Variants in TMEM240 observed in about 807,000 individuals in gnomAD.
The protein encoded by TMEM240 is transmembrane protein 240, also known as transmembrane protein C1orf70.
A neutral mutation model predicts 19.5 loss-of-function variants in TMEM240; 3 were observed. The ratio of observed to expected loss-of-function variants is 0.15; its 90% CI spans 0.07 to 0.40. The LOEUF is 0.40. Among genes scored for constraint, TMEM240 ranks in the 10% least tolerant of loss-of-function variants. The pLI is 1.00. For synonymous variants in TMEM240, 123 were observed against 109.3 expected, an observed-to-expected ratio of 1.13 and a Z score of -0.78; for missense variants, 210 against 253.5, an observed-to-expected ratio of 0.83 and a Z score of 1.17.
chr1:1,539,590 C>A, intron 2 of TMEM240, 94 bp downstream of exon 2: 5 of 1,128,618 alleles, frequency 4.4e-6, no homozygotes, highest in Middle Eastern at 2.9e-4. Flanking sequence ...AGGCGGCTCG[C>A]GGCCTGCGTG....
chr1:1,537,461 C>T (rs1642238905), intron 2 of TMEM240, among the ~76,000 whole-genome samples: 1 of 152,116 alleles, frequency 6.6e-6, no homozygotes, highest in African/African-American at 2.4e-5. Context: ...CCCAGGGGCT[C>T]AGTAACTTTG....
In TMEM240 at chr1:1,535,994, G is replaced by A. The variant is rs1360313135; in HGVS notation, c.165-197C>T. Among the ~76,000 whole-genome samples the A allele has an allele frequency of 2.0e-5, 3 of 152,108 alleles. No homozygotes were observed. Among genetic ancestry groups the A allele is most frequent in the Non-Finnish European group, 4.4e-5 (3 of 67,996 alleles). ...AGGTCACAGGCCAGAGGGAGTGGGA[G>A]GTCAGTGGCCATGGGCTGTGGAGGC... On this transcript the variant is annotated intron_variant, in intron 2 of 3. Coordinates refer to ENST00000378733, the MANE Select transcript of TMEM240 (RefSeq NM_001114748.2). This position sits in a 1 kb window ranked among gnomAD's most constrained non-coding sequence, Gnocchi z 8.2.
chr1:1,538,978 G>A (rs1463618421), intron 2 of TMEM240: 1 of 152,450 alleles, frequency 6.6e-6, no homozygotes, highest in Non-Finnish European at 1.5e-5. Context: ...GGTGTCCTGA[G>A]GGGTGGAAGT....
chr1:1,535,831 G>C lies in TMEM240; in HGVS notation c.165-34C>G. 1 of 1,493,086 alleles carries C rather than the reference G, an allele frequency of 6.7e-7. No homozygotes were observed. The highest frequency in any genetic ancestry group is 9.0e-7 in the Non-Finnish European group (1 of 1,108,778). The allele number at this position is 1,493,086 out of a possible 1,614,324, so 92.5% of individuals were successfully genotyped here. A position where few individuals can be genotyped will look rare whatever the true frequency, so the allele number is the denominator to read the frequency against. On this transcript the variant is annotated intron_variant, in intron 2 of 3. Coordinates refer to ENST00000378733, the MANE Select transcript of TMEM240 (RefSeq NM_001114748.2). This position sits in a 1 kb window ranked among gnomAD's most constrained non-coding sequence, Gnocchi z 8.2. ...GGCAGGGCGGGCTGGCACCTCTCCC[G>C]CCACCCCCGGCCTGGCCTTCCCCCG...
At chr1:1,537,546 C>T (rs1248962860) in intron 2 of TMEM240, among the ~76,000 whole-genome samples, 1 of 152,158 alleles carries the variant, frequency 6.6e-6, no homozygotes, top group Non-Finnish European at 1.5e-5. Flanking sequence ...CTGCACCTGG[C>T]CCTCCTTCCT....
At chr1:1,538,101 C>T (rs1382808156) in intron 2 of TMEM240, among the ~76,000 whole-genome samples, 1 of 152,250 alleles carries the variant, frequency 6.6e-6, no homozygotes, top group Non-Finnish European at 1.5e-5. Flanking sequence ...ACACTGGCTG[C>T]AGCTACACGG....
intron 2 of TMEM240, chr1:1,539,410 G>A (rs1323107919): frequency 2.0e-6 from 1 of 498,592 alleles, no homozygotes; most frequent in African/African-American, 2.0e-5. Flanking sequence ...ACATCACACT[G>A]GGCTGCGGCT....
Position 1,535,666 on chromosome 1 carries a change from C to T in TMEM240, c.296G>A (p.Cys99Tyr). The T allele has an allele frequency of 6.5e-7, 1 of 1,550,184 alleles. No homozygotes were observed. The highest frequency in any genetic ancestry group is 2.4e-5 in the East Asian group (1 of 40,896). ...CATCCACACCAGGAACCAGCTGATG[C>T]AAAAGCCCAGCAGCAGCCCCAGCAT... Reference protein sequence around the residue: ...DLMLGLLLGFCISWFLVWMDG... With the variant: ...DLMLGLLLGFYISWFLVWMDG... The change falls in exon 3 of 4, where the codon TGC becomes TAC. Residue 99 changes from cysteine (C) to tyrosine (Y), a missense_variant. By Grantham distance (194) the Cys-to-Tyr change is radical (BLOSUM62 -2). Coordinates refer to ENST00000378733, the MANE Select transcript of TMEM240 (RefSeq NM_001114748.2). The surrounding 1 kb of genome is among the most constrained non-coding windows in gnomAD (Gnocchi z 8.2).
At position 1,536,736 on chromosome 1, in the gene TMEM240, A is replaced by G. The variant is rs1248483104; in HGVS notation, c.165-939T>C. On this transcript the variant is annotated intron_variant, in intron 2 of 3. Transcript: ENST00000378733. The surrounding 1 kb of genome is among the most constrained non-coding windows in gnomAD (Gnocchi z 5.4). ...CCAGACAGTCAACTCTGGGATCCCT[A>G]GTCCAACAGGAGGGCCTGGGAGTGG... Among the ~76,000 whole-genome samples the G allele has an allele frequency of 2.0e-5, 3 of 152,040 alleles. No individual in the cohort carries two copies. The highest frequency in any genetic ancestry group is 4.4e-5 in the Non-Finnish European group (3 of 67,970).
chr1:1,539,534 T>C lies in TMEM240; in HGVS notation c.164+150A>G, dbSNP rs887440496. On this transcript the variant is annotated intron_variant, in intron 2 of 3. Transcript: ENST00000378733. Reference sequence around the variant, plus strand: ...GCCCCCAGGAGACCCCCGCCCACCTTGAGACAGCTCCTCCCCCTGCGCACC... The same window carrying C: ...GCCCCCAGGAGACCCCCGCCCACCTCGAGACAGCTCCTCCCCCTGCGCACC... The C allele has an allele frequency of 1.8e-5, 12 of 680,136 alleles. No individual in the cohort carries two copies. The East Asian group carries it at 3.4e-4, about 19-fold the overall frequency. 42.1% of individuals were successfully genotyped at this position (680,136 alleles called of 1,614,324 possible). A position where few individuals can be genotyped will look rare whatever the true frequency, so the allele number is the denominator to read the frequency against.
Position 1,534,990 on chromosome 1 carries a change from G to A in TMEM240, c.*369C>T, listed in dbSNP as rs535914378. Among the ~76,000 whole-genome samples the A allele has an allele frequency of 6.0e-5, 9 of 149,028 alleles. No individual in the cohort carries two copies. The highest frequency in any genetic ancestry group is 2.1e-4 in the South Asian group (1 of 4,754). On this transcript the variant is annotated 3_prime_UTR_variant, in exon 4 of 4. Transcript: ENST00000378733. ...GTGGACGCAGCGCACGGGAAACAGC[G>A]CCTTCAAACAGATGCTGGCCCGGGC...
Position 1,535,572 on chromosome 1 carries a change from G to C in TMEM240, c.373+17C>G. On this transcript the variant is annotated intron_variant, in intron 3 of 3. Transcript: ENST00000378733. The surrounding 1 kb of genome is among the most constrained non-coding windows in gnomAD (Gnocchi z 8.2). ...CAGGGCGGCAGCACTCCCGGGCGGC[G>C]GGCACGAGGCACTCACCGTAGCGCC... is the stretch of plus-strand genomic sequence containing the variant. 1 of 1,545,638 alleles carries C rather than the reference G, an allele frequency of 6.5e-7. No individual in the cohort carries two copies.
Position 1,536,859 on chromosome 1 carries a change from G to C in TMEM240, c.165-1062C>G, listed in dbSNP as rs1366872925. ...CCTGTGTCTCCACGTGGGATCCGCA[G>C]ACACCTTAAACTTGTGCCTAAAAAT... is the stretch of plus-strand genomic sequence containing the variant. On this transcript the variant is annotated intron_variant, in intron 2 of 3. Coordinates refer to ENST00000378733, the MANE Select transcript of TMEM240 (RefSeq NM_001114748.2). The surrounding 1 kb of genome is among the most constrained non-coding windows in gnomAD (Gnocchi z 5.4). 6.6e-6 allele frequency among the ~76,000 whole-genome samples: 1 copy of C among 152,082 alleles called. No individual in the cohort carries two copies.
rs888310401 is a variant in TMEM240 at position 1,535,026 on chromosome 1, G to A, written c.*333C>T. 4.8e-4 allele frequency: 99 copies of A among 207,752 alleles called. No individual in the cohort carries two copies. The highest frequency in any genetic ancestry group is 7.4e-4 in the Non-Finnish European group (81 of 109,012). 12.9% of individuals were successfully genotyped at this position (207,752 alleles called of 1,614,324 possible). A position where few individuals can be genotyped will look rare whatever the true frequency, so the allele number is the denominator to read the frequency against. On this transcript the variant is annotated 3_prime_UTR_variant, in exon 4 of 4. Coordinates refer to ENST00000378733, the MANE Select transcript of TMEM240 (RefSeq NM_001114748.2). This position sits in a 1 kb window ranked among gnomAD's most constrained non-coding sequence, Gnocchi z 8.2. Reference sequence around the variant, plus strand: ...GATGCTGGCCCGGGCCGCGCGCCTCGCCGCCCCTGCCCCCACCTGCCCCCC... The same window carrying A: ...GATGCTGGCCCGGGCCGCGCGCCTCACCGCCCCTGCCCCCACCTGCCCCCC...
At chr1:1,539,290 C>A (rs760787853) in intron 2 of TMEM240, 27 of 195,040 alleles carry the variant, frequency 1.4e-4, no homozygotes, top group Non-Finnish European at 2.4e-4. Flanking sequence ...AGGCCCTTCC[C>A]GCCTTGACCT....
rs1355000100 is a variant in TMEM240 at position 1,535,041 on chromosome 1, ACCTGCCCCCCAGGACCCTC to A, written c.*299_*317del. 1,767 of 32,554 alleles carry A rather than the reference ACCTGCCCCCCAGGACCCTC, an allele frequency of 0.054. 21 individuals carry two copies. Among genetic ancestry groups the A allele is most frequent in the Middle Eastern group, 0.087 (4 of 46 alleles). The allele number at this position is 32,554 out of a possible 1,614,324, so 2.0% of individuals were successfully genotyped here. ...CGCGCGCCTCGCCGCCCCTGCCCCCACCTGCCCCCCAGGACCCTCCCTGCCCCCCAGGACCCTCCCTGCC... is the reference window on the plus strand; with the variant it reads ...CGCGCGCCTCGCCGCCCCTGCCCCCACCTGCCCCCCAGGACCCTCCCTGCC... On this transcript the variant is annotated 3_prime_UTR_variant, in exon 4 of 4. Coordinates refer to ENST00000378733, the MANE Select transcript of TMEM240 (RefSeq NM_001114748.2). This position sits in a 1 kb window ranked among gnomAD's most constrained non-coding sequence, Gnocchi z 8.2.
intron 1 of TMEM240, 128 bp downstream of exon 1, chr1:1,540,162 G>GCAC: frequency 2.6e-6 from 1 of 391,904 alleles, no homozygotes; most frequent in Non-Finnish European, 4.1e-6. Context: ...AGCGCAGGCC[G>GCAC]GGGAGGGGAG....
At chr1:1,537,063 C>T (rs982554041) in intron 2 of TMEM240, among the ~76,000 whole-genome samples, 4 of 152,098 alleles carry the variant, frequency 2.6e-5, no homozygotes, top group Admixed American at 1.3e-4. Context: ...CAGCCCTCTC[C>T]AGGCCATCCC....
At position 1,536,767 on chromosome 1, in the gene TMEM240, G is replaced by A. The variant is rs911710952; in HGVS notation, c.165-970C>T. ...ACAGGAGGGCCTGGGAGTGGAGCCC[G>A]CGGGCCCCACGCGCCTTGCGGTCCA... On this transcript the variant is annotated intron_variant, in intron 2 of 3. Transcript: ENST00000378733. This position sits in a 1 kb window ranked among gnomAD's most constrained non-coding sequence, Gnocchi z 5.4. Among the ~76,000 whole-genome samples the A allele has an allele frequency of 2.0e-5, 3 of 152,210 alleles. No homozygotes were observed. Among genetic ancestry groups the A allele is most frequent in the South Asian group, 2.1e-4 (1 of 4,828 alleles).
Sources: gnomAD v4.1 joint callset for allele counts (sites outside exome capture counted in the v4.1 genomes callset) on GRCh38, gnomAD v4.1.1 for gene constraint, Gnocchi (gnomAD v3.1) non-coding constraint, MANE v1.5 for transcripts, NCBI Gene and HGNC (gene_info 2026-07-23, HGNC 2026-07-21) for gene names.